Variants in COG4 observed in about 807,000 individuals in gnomAD.
COG4 encodes conserved oligomeric Golgi complex subunit 4.
Under a neutral mutation model 95.1 loss-of-function variants are expected in COG4, and 65 were observed. The observed-to-expected ratio is 0.68, with a 90% CI of 0.56 to 0.84. The LOEUF (loss-of-function observed/expected upper bound fraction) is 0.84. Among genes scored for constraint, COG4 ranks in the 40% least tolerant of loss-of-function variants. The pLI is 0.00. For missense variants in COG4, 1,045 were observed against 989.1 expected (o/e 1.06, Z -0.76); for synonymous variants, 421 against 374.8 (o/e 1.12, Z -1.42).
In COG4 at chr16:70,510,078, A is replaced by C. The variant is rs115804596; in HGVS notation, c.739-57T>G. 52 of 1,436,694 alleles carry C rather than the reference A, an allele frequency of 3.6e-5. No homozygotes were observed. In the African/African-American group the frequency reaches 6.6e-4, roughly 18 times the overall value. The allele number at this position is 1,436,694 out of a possible 1,614,324, so 89.0% of individuals were successfully genotyped here. A position where few individuals can be genotyped will look rare whatever the true frequency, so the allele number is the denominator to read the frequency against. On this transcript the variant is annotated intron_variant, in intron 5 of 18. Transcript: ENST00000323786. ...CAGAAAGGTCACCCTCATACCAGGT[A>C]TATCTCAGTTTTCCAAAAATCCTCC...
intron 3 of COG4, chr16:70,515,995 T>C (rs1302406931): frequency 2.2e-6 from 1 of 455,934 alleles, no homozygotes; most frequent in Non-Finnish European, 4.4e-6. Flanking sequence ...AGATGCTCTT[T>C]ATCAGGCTGA....
chr16:70,509,561 A>G (rs1327230933), intron 6 of COG4, among the ~76,000 whole-genome samples, 173 bp from the exon 7 acceptor site: 2 of 152,210 alleles, frequency 1.3e-5, no homozygotes, highest in African/African-American at 4.8e-5. Context: ...AATATGTTAA[A>G]TATGTACAGT....
chr16:70,505,519 C>T (rs1191919398), intron 8 of COG4, among the ~76,000 whole-genome samples: 1 of 150,088 alleles, frequency 6.7e-6, no homozygotes, highest in Non-Finnish European at 1.5e-5. Context: ...TTCTAAGAAG[C>T]ACATGTTATT....
chr16:70,505,726 G>A (rs1241000423), intron 8 of COG4, among the ~76,000 whole-genome samples: 2 of 151,840 alleles, frequency 1.3e-5, no homozygotes, highest in South Asian at 2.1e-4. Flanking sequence ...CTACTCAGGA[G>A]GCTGAGGCAG....
Position 70,509,402 on chromosome 16 carries a change from AGC to A in COG4, c.845-16_845-15del. 1 of 1,614,102 alleles carries A rather than the reference AGC, an allele frequency of 6.2e-7. No homozygotes were observed. ...TGCGGGCAATCCCTAGAAGGGAGGA[AGC>A]AATAGGGTTATATTCCAAGTATTCT... On this transcript the variant is annotated splice_polypyrimidine_tract_variant and intron_variant, in intron 6 of 18. Transcript: ENST00000323786.
At chr16:70,509,556 G>A (rs978127090) in intron 6 of COG4, among the ~76,000 whole-genome samples, 168 bp from the exon 7 acceptor site, 3 of 152,206 alleles carry the variant, frequency 2.0e-5, no homozygotes, top group African/African-American at 7.2e-5. Flanking sequence ...AGGCAAATAT[G>A]TTAAATATGT....
intron 7 of COG4, 97 bp downstream of exon 7, chr16:70,509,134 A>G: frequency 6.8e-7 from 1 of 1,475,334 alleles, no homozygotes; most frequent in East Asian, 2.3e-5. Flanking sequence ...TCCTGTCTGC[A>G]CCTTTTTTTT....
chr16:70,491,138 T>G (rs2151745362), intron 12 of COG4, among the ~76,000 whole-genome samples: 1 of 152,292 alleles, frequency 6.6e-6, no homozygotes, highest in African/African-American at 2.4e-5. Context: ...TCTCATTCTT[T>G]ATCTCATGGA....
chr16:70,495,057 A>T (rs143100333), intron 12 of COG4, among the ~76,000 whole-genome samples: 1 of 152,224 alleles, frequency 6.6e-6, no homozygotes, highest in African/African-American at 2.4e-5. Context: ...TCTCTCTGCA[A>T]GTAACAGCTC....
intron 8 of COG4, among the ~76,000 whole-genome samples, chr16:70,508,185 C>T (rs954970271): frequency 6.6e-6 from 1 of 152,174 alleles, no homozygotes; most frequent in Non-Finnish European, 1.5e-5. Context: ...TCCCAAAGTG[C>T]TGGGATTACA....
intron 3 of COG4, among the ~76,000 whole-genome samples, chr16:70,515,615 T>C (rs1034820825): frequency 2.4e-4 from 36 of 151,814 alleles, no homozygotes; most frequent in African/African-American, 7.5e-4. Context: ...ACCCAGGAGG[T>C]GGAGGTTGCA....
chr16:70,512,186 A>G (rs2049720206), intron 5 of COG4, 53 bp downstream of exon 5: 9 of 1,549,276 alleles, frequency 5.8e-6, no homozygotes, highest in African/African-American at 1.4e-5. Context: ...CAGTGCCCCA[A>G]TCTGCAGGCA....
In COG4 at chr16:70,519,749, A is replaced by T; in HGVS notation, c.172-18T>A. On this transcript the variant is annotated intron_variant, in intron 1 of 18. Transcript: ENST00000323786. ...ACCACTTTCTGAAACACAGAGAAAC[A>T]TCCTGTCAGCAGAATGATCAGAAGG... 1 of 1,578,002 alleles carries T rather than the reference A, an allele frequency of 6.3e-7. No homozygotes were observed.
At chr16:70,519,955 G>C (rs781044732) in intron 1 of COG4, among the ~76,000 whole-genome samples, 13 of 152,116 alleles carry the variant, frequency 8.5e-5, no homozygotes, top group Non-Finnish European at 1.6e-4. Flanking sequence ...ATAATAGGAA[G>C]AAATAAACTT....
At chr16:70,511,644 T>A (rs1200788007) in intron 5 of COG4, among the ~76,000 whole-genome samples, 1 of 150,740 alleles carries the variant, frequency 6.6e-6, no homozygotes, top group African/African-American at 2.4e-5. Context: ...GCTTTAAGAG[T>A]GATTCAGACT....
At chr16:70,507,405 C>T (rs34608864) in intron 8 of COG4, among the ~76,000 whole-genome samples, 2,241 of 152,160 alleles carry the variant, frequency 0.015, 31 homozygotes, top group Admixed American at 0.023. Flanking sequence ...TACTTACCAT[C>T]GTGTTATAAT....
chr16:70,515,739 G>C (rs1429296086), intron 3 of COG4: 1 of 250,876 alleles, frequency 4.0e-6, no homozygotes, highest in East Asian at 1.1e-4. Context: ...TTGTTCTAGA[G>C]ACATAGTAAG....
intron 8 of COG4, among the ~76,000 whole-genome samples, chr16:70,506,788 T>C (rs2049587022): frequency 7.0e-6 from 1 of 143,680 alleles, no homozygotes. Flanking sequence ...AGACCCTGTT[T>C]CTAATTTAAA....
intron 8 of COG4, among the ~76,000 whole-genome samples, chr16:70,504,498 T>A (rs977777975): frequency 1.3e-5 from 2 of 151,386 alleles, no homozygotes; most frequent in Non-Finnish European, 2.9e-5. Flanking sequence ...GCTCAGCTAC[T>A]CAGGAGGCAG....
Sources: gnomAD v4.1 joint callset for allele counts (sites outside exome capture counted in the v4.1 genomes callset) on GRCh38, gnomAD v4.1.1 for gene constraint, MANE v1.5 for transcripts, NCBI Gene and HGNC (gene_info 2026-07-23, HGNC 2026-07-21) for gene names.